FASTKD1: variants seen among roughly 807,000 people sequenced by gnomAD.
FASTKD1 encodes FAST kinase domain-containing protein 1, mitochondrial.
In FASTKD1, 94 loss-of-function variants were observed where a neutral mutation model predicts 90.9. The ratio of observed to expected loss-of-function variants is 1.03; its 90% CI spans 0.88 to 1.23. The LOEUF (loss-of-function observed/expected upper bound fraction) is 1.23. Among genes scored for constraint, FASTKD1 ranks in the 50% most tolerant of loss-of-function variants. The pLI is 0.00. For missense variants in FASTKD1, 945 were observed against 993.5 expected (o/e 0.95, Z 0.66); for synonymous variants, 319 against 345.8 (o/e 0.92, Z 0.86).
At chr2:169,555,974 A>C (rs1472638010) in intron 6 of FASTKD1, among the ~76,000 whole-genome samples, 1 of 152,194 alleles carries the variant, frequency 6.6e-6, no homozygotes, top group African/African-American at 2.4e-5. Flanking sequence ...CAGGAGTTCA[A>C]GATCAGACTG....
chr2:169,571,976 T>G lies in FASTKD1; in HGVS notation c.54A>C (p.Leu18=). Residue 18 remains leucine, a synonymous_variant, in exon 2 of 15, where the codon CTA becomes CTC. Transcript: ENST00000453153. The part of the protein sequence containing the change: ...LESLVTNMLR[L]RAICPFSWRV... Reference sequence around the variant, plus strand: ...TCCAGGAGAATGGACAAATAGCTCTTAGACGAAGCATATTTGTAACCAATG... The same window carrying G: ...TCCAGGAGAATGGACAAATAGCTCTGAGACGAAGCATATTTGTAACCAATG... 1 of 1,611,790 alleles carries G rather than the reference T, an allele frequency of 6.2e-7. No individual in the cohort carries two copies. Among genetic ancestry groups the G allele is most frequent in the Non-Finnish European group, 8.5e-7 (1 of 1,179,084 alleles).
chr2:169,554,363 C>T (rs1433979677), intron 7 of FASTKD1, among the ~76,000 whole-genome samples: 1 of 132,866 alleles, frequency 7.5e-6, no homozygotes, highest in East Asian at 2.6e-4. Flanking sequence ...AGGGAAAATT[C>T]TACATGAAAA....
chr2:169,531,930 C>G (rs766529097), intron 12 of FASTKD1, among the ~76,000 whole-genome samples: 1 of 152,184 alleles, frequency 6.6e-6, no homozygotes, highest in African/African-American at 2.4e-5. Flanking sequence ...CCTTTTTAGA[C>G]AAATTCCAGC....
At chr2:169,547,612 T>C (rs1242255660) in intron 7 of FASTKD1, among the ~76,000 whole-genome samples, 1 of 152,082 alleles carries the variant, frequency 6.6e-6, no homozygotes, top group African/African-American at 2.4e-5. Context: ...AAGAGTTAGA[T>C]AGGCCAGGCA....
At chr2:169,544,324 C>T (rs1026316647) in intron 9 of FASTKD1, among the ~76,000 whole-genome samples, 1 of 152,148 alleles carries the variant, frequency 6.6e-6, no homozygotes, top group Non-Finnish European at 1.5e-5. Context: ...AATCCCAACA[C>T]TTTGGGAAGC....
intron 4 of FASTKD1, among the ~76,000 whole-genome samples, chr2:169,561,814 G>GTAAATTATCTATTAATTTATTA (rs1683644460): frequency 1.6e-5 from 2 of 128,770 alleles, no homozygotes; most frequent in Non-Finnish European, 1.7e-5. Flanking sequence ...TTAATTTATT[G>GTAAATTATCTATTAATTTATTA]TAAATTATTT....
rs1271745660 is a variant in FASTKD1 at position 169,531,509 on chromosome 2, C to T, written c.2189-19G>A. 9 of 1,582,846 alleles carry T rather than the reference C, an allele frequency of 5.7e-6. No homozygotes were observed. The highest frequency in any genetic ancestry group is 7.7e-6 in the Non-Finnish European group (9 of 1,166,864). On this transcript the variant is annotated intron_variant, in intron 12 of 14. Coordinates refer to ENST00000453153, the MANE Select transcript of FASTKD1 (RefSeq NM_024622.6). Reference sequence around the variant, plus strand: ...TCAAAATCTTAAGGAAGCATAGAAACTGGTAGTATGAATTAGGTAAAGTCT... The same window carrying T: ...TCAAAATCTTAAGGAAGCATAGAAATTGGTAGTATGAATTAGGTAAAGTCT...
chr2:169,532,522 A>T (rs73037961), intron 12 of FASTKD1, among the ~76,000 whole-genome samples: 13,745 of 149,252 alleles, frequency 0.092, 669 homozygotes, highest in South Asian at 0.21. Flanking sequence ...AGAAAAACCT[A>T]AAAAAAAAAC....
At chr2:169,559,161 C>CG (rs1435830945) in intron 5 of FASTKD1, among the ~76,000 whole-genome samples, 3 of 151,520 alleles carry the variant, frequency 2.0e-5, no homozygotes, top group Non-Finnish European at 2.9e-5. Flanking sequence ...TTAGTAGAGA[C>CG]GGGGTTCCTC....
In FASTKD1 at chr2:169,571,881, TC is replaced by T. The variant is rs1684250837; in HGVS notation, c.148del (p.Glu50SerfsTer37). 1 of 1,613,984 alleles carries T rather than the reference TC, an allele frequency of 6.2e-7. No individual in the cohort carries two copies. The highest frequency in any genetic ancestry group is 1.3e-5 in the African/African-American group (1 of 74,926). On this transcript the variant is annotated frameshift_variant, in exon 2 of 15. Coordinates refer to ENST00000453153, the MANE Select transcript of FASTKD1 (RefSeq NM_024622.6). LOFTEE classifies it high-confidence loss of function. ...TCTTTCAATAAAACCAAACATTTGC[TC>T]CTCATCTGTACACTTATTCATCTGA... ...IIQMNKCTDE[E>X]QMFGFIERNK...
At chr2:169,566,390 C>T (rs1683986662) in intron 3 of FASTKD1, among the ~76,000 whole-genome samples, 1 of 152,048 alleles carries the variant, frequency 6.6e-6, no homozygotes, top group African/African-American at 2.4e-5. Context: ...CATGGGAATT[C>T]GTTGTACTAC....
Position 169,546,271 on chromosome 2 carries a change from T to C in FASTKD1, c.1648A>G (p.Ser550Gly). ...ASFISSTDYL[S>G]TLLLDRIASV... ...GCTATCCTATCTAGTAGCAAAGTACTGAGGTAATCAGTACTAGAAATAAAA... is the reference window on the plus strand; with the variant it reads ...GCTATCCTATCTAGTAGCAAAGTACCGAGGTAATCAGTACTAGAAATAAAA... Residue 550 changes from serine (S) to glycine (G), a missense_variant, in exon 8 of 15, where the codon AGT (serine) becomes GGT (glycine). Ser to Gly is a moderately conservative substitution (Grantham distance 56). Transcript: ENST00000453153. The C allele has an allele frequency of 6.2e-7, 1 of 1,612,472 alleles. No homozygotes were observed. Among genetic ancestry groups the C allele is most frequent in the Non-Finnish European group, 8.5e-7 (1 of 1,179,070 alleles).
At chr2:169,556,664 A>G (rs1490916937) in intron 6 of FASTKD1, among the ~76,000 whole-genome samples, 1 of 152,070 alleles carries the variant, frequency 6.6e-6, no homozygotes, top group Non-Finnish European at 1.5e-5. Flanking sequence ...CTTCTACTAA[A>G]AAATACAAAA....
chr2:169,553,846 C>T (rs866489667), intron 7 of FASTKD1, among the ~76,000 whole-genome samples: 112 of 152,112 alleles, frequency 7.4e-4, no homozygotes, highest in African/African-American at 2.5e-3. Context: ...GGCGTGAACC[C>T]GGGTGGCAGA....
chr2:169,546,685 T>G lies in FASTKD1; in HGVS notation c.1234A>C (p.Ile412Leu). 1.3e-6 allele frequency: 2 copies of G among 1,595,658 alleles called. No individual in the cohort carries two copies. Among genetic ancestry groups the G allele is most frequent in the East Asian group, 2.2e-5 (1 of 44,662 alleles). Residue 412 changes from isoleucine (I) to leucine (L), a missense_variant, in exon 8 of 15, where the codon ATA (isoleucine) becomes CTA (leucine). By Grantham distance (5) the Ile-to-Leu change is conservative. Transcript: ENST00000453153. The stretch of plus-strand genomic sequence containing the variant: ...ACCAGAACAGACACCTCAGTTGGTA[T>G]GAAACTATTTTTCAAATAACTGCAA... ...LLLSYLKNSFIPTEVSVLVRA... is the reference protein window; with the variant it reads ...LLLSYLKNSFLPTEVSVLVRA...
intron 7 of FASTKD1, among the ~76,000 whole-genome samples, chr2:169,549,296 G>C (rs934796862): frequency 2.7e-5 from 4 of 150,370 alleles, no homozygotes; most frequent in African/African-American, 9.8e-5. Flanking sequence ...CCAGCTACTC[G>C]GGCGGCTGAG....
In FASTKD1 at chr2:169,572,087, A is replaced by T; in HGVS notation, c.-58T>A. On this transcript the variant is annotated 5_prime_UTR_variant, in exon 2 of 15. It adds an upstream start codon to the 5' untranslated region. Coordinates refer to ENST00000453153, the MANE Select transcript of FASTKD1 (RefSeq NM_024622.6). ...CATCTGCAACTAGTCGTCAGGTGCA[A>T]TAAGCAGGGATACAAATAACAGTTT... 1 of 1,515,220 alleles carries T rather than the reference A, an allele frequency of 6.6e-7. No individual in the cohort carries two copies. Among genetic ancestry groups the T allele is most frequent in the Non-Finnish European group, 8.8e-7 (1 of 1,136,468 alleles). 93.9% of individuals were successfully genotyped at this position (1,515,220 alleles called of 1,614,324 possible). A position where few individuals can be genotyped will look rare whatever the true frequency, so the allele number is the denominator to read the frequency against.
Position 169,557,420 on chromosome 2 carries a change from T to C in FASTKD1, c.972-123A>G, listed in dbSNP as rs995973398. 3 of 535,654 alleles carry C rather than the reference T, an allele frequency of 5.6e-6. No homozygotes were observed. The South Asian group carries it at 6.7e-5, about 12-fold the overall frequency. 33.2% of individuals were successfully genotyped at this position (535,654 alleles called of 1,614,324 possible). On this transcript the variant is annotated intron_variant, in intron 5 of 14. Coordinates refer to ENST00000453153, the MANE Select transcript of FASTKD1 (RefSeq NM_024622.6). ...ATATAAACAAAAACTGAATCCAATA[T>C]ATAATTCTAGTGTTCTCCCCACATT...
chr2:169,536,692 C>T (rs766326448), intron 12 of FASTKD1, among the ~76,000 whole-genome samples: 131 of 152,104 alleles, frequency 8.6e-4, no homozygotes, highest in Middle Eastern at 3.2e-3. Context: ...TTGCCATCAA[C>T]GTAAGCTAGT....
Sources: allele counts gnomAD v4.1 joint callset (sites outside exome capture counted in the v4.1 genomes callset), GRCh38; gene constraint gnomAD v4.1.1; transcripts MANE v1.5; gene names NCBI Gene and HGNC (gene_info 2026-07-23, HGNC 2026-07-21).